Variants in CEP152 observed in about 807,000 individuals in gnomAD.
The protein encoded by CEP152 is centrosomal protein of 152 kDa.
In CEP152, 132 loss-of-function variants were observed where a neutral mutation model predicts 188.9. The ratio of observed to expected loss-of-function variants is 0.70; its 90% confidence interval spans 0.61 to 0.81. CEP152 has a LOEUF of 0.81. Among genes scored for constraint, CEP152 ranks in the 30% least tolerant of loss-of-function variants. The pLI, the probability that CEP152 is intolerant of heterozygous loss-of-function variation, is 0.00. For synonymous variants in CEP152, 649 were observed against 666.6 expected (o/e 0.97, Z 0.41); for missense variants, 1,914 against 1,969.8 (o/e 0.97, Z 0.54).
Position 48,784,258 on chromosome 15 carries a change from A to T in CEP152, c.1174-138T>A, listed in dbSNP as rs1896473679. Reference sequence around the variant, plus strand: ...GGAGCATCACCTCTTTTACAAGGTAAAGTGCACAGAACTGGGAGTCAAGAG... The same window carrying T: ...GGAGCATCACCTCTTTTACAAGGTATAGTGCACAGAACTGGGAGTCAAGAG... On this transcript the variant is annotated intron_variant, in intron 9 of 26. Coordinates refer to ENST00000380950, the MANE Select transcript of CEP152 (RefSeq NM_001194998.2). The T allele has an allele frequency of 3.7e-6, 3 of 809,878 alleles. No homozygotes were observed. The African/African-American group carries it at 5.2e-5, about 14-fold the overall frequency. 50.2% of individuals were successfully genotyped at this position (809,878 alleles called of 1,614,324 possible).
intron 19 of CEP152, among the ~76,000 whole-genome samples, chr15:48,757,729 C>T (rs952694297): frequency 1.3e-4 from 20 of 152,158 alleles, no homozygotes; most frequent in Non-Finnish European, 2.8e-4. Flanking sequence ...AATAAATTTT[C>T]TGCTAAAGGA....
rs1409164324 is a variant in CEP152, at chr15:48,738,169, TCA to T, written c.*78_*79del. 7 of 1,413,580 alleles carry T rather than the reference TCA, an allele frequency of 5.0e-6. No homozygotes were observed. In the Admixed American group the frequency reaches 1.0e-4, roughly 20 times the overall value. The allele number at this position is 1,413,580 out of a possible 1,614,324, so 87.6% of individuals were successfully genotyped here. On this transcript the variant is annotated 3_prime_UTR_variant, in exon 27 of 27. Transcript: ENST00000380950. Reference sequence around the variant, plus strand: ...TAAAACATCTCAAAAGAGGCAGGGCTCACAATTTTTTTCAGTATGAGGTCTTC... The same window carrying T: ...TAAAACATCTCAAAAGAGGCAGGGCTCAATTTTTTTCAGTATGAGGTCTTC...
chr15:48,785,905 C>CAA (rs757758217), intron 9 of CEP152, among the ~76,000 whole-genome samples: 5 of 101,430 alleles, frequency 4.9e-5, no homozygotes, highest in Non-Finnish European at 6.7e-5. Flanking sequence ...GACTCCATCT[C>CAA]AAAAAAAAAA....
chr15:48,796,009 C>T lies in CEP152; in HGVS notation c.691+1G>A. Reference sequence around the variant, plus strand: ...AAAATAAATATAAACTTGATACCTACTCTCATTAGCTCCTAAAAATTGTTG... The same window carrying T: ...AAAATAAATATAAACTTGATACCTATTCTCATTAGCTCCTAAAAATTGTTG... On this transcript the variant is annotated splice_donor_variant, in intron 6 of 26. Transcript: ENST00000380950. LOFTEE classifies it high-confidence loss of function. The T allele has an allele frequency of 6.2e-7, 1 of 1,613,490 alleles. No homozygotes were observed.
chr15:48,739,247 A>AT lies in CEP152; in HGVS notation c.4134dup (p.Ser1379IlefsTer5), dbSNP rs2140547170. The AT allele has an allele frequency of 4.3e-6, 7 of 1,613,172 alleles. No individual in the cohort carries two copies. Among genetic ancestry groups the AT allele is most frequent in the Non-Finnish European group, 5.1e-6 (6 of 1,179,800 alleles). Reference sequence around the variant, plus strand: ...TTCTGATTCACATCATTTCTTTTTGATTTTTTAACTGCAATCAGCATCTCT... The same window carrying AT: ...TTCTGATTCACATCATTTCTTTTTGATTTTTTTAACTGCAATCAGCATCTCT... On this transcript the variant is annotated frameshift_variant, in exon 27 of 27. Coordinates refer to ENST00000380950, the MANE Select transcript of CEP152 (RefSeq NM_001194998.2). LOFTEE classifies it low-confidence loss of function (END_TRUNC).
intron 7 of CEP152, among the ~76,000 whole-genome samples, chr15:48,791,679 G>A (rs952944587): frequency 6.6e-6 from 1 of 152,006 alleles, no homozygotes; most frequent in Non-Finnish European, 1.5e-5. Context: ...ACCACTCCCA[G>A]ATAATTTTTA....
chr15:48,788,758 C>T (rs777508807), intron 9 of CEP152, 43 bp downstream of exon 9: 82 of 1,537,558 alleles, frequency 5.3e-5, no homozygotes, highest in Non-Finnish European at 7.3e-5. Flanking sequence ...ACATAACCAG[C>T]TTTACTTGTT....
chr15:48,791,350 G>T lies in CEP152; in HGVS notation c.859C>A (p.Leu287Ile). The change falls in exon 8 of 27, where the codon CTT becomes ATT. Residue 287 changes from leucine to isoleucine, a missense_variant. Coordinates refer to ENST00000380950, the MANE Select transcript of CEP152 (RefSeq NM_001194998.2). ...KDEKDGLTLS[L>I]RESQKLFQNG... ...TGAAAGAGTTTCTGTGATTCTCGAA[G>T]GCTGAGAGTCAAACCATCCTTTTCA... 6.2e-7 allele frequency: 1 copy of T among 1,612,318 alleles called. No homozygotes were observed.
intron 2 of CEP152, 23 bp from the exon 3 acceptor site, chr15:48,798,074 A>C (rs1318579836): frequency 1.9e-6 from 3 of 1,590,634 alleles, no homozygotes; most frequent in Non-Finnish European, 2.6e-6. Context: ...GTCTGCATCA[A>C]TATCATACCA....
intron 6 of CEP152, 70 bp from the exon 7 acceptor site, chr15:48,793,531 G>A: frequency 1.4e-6 from 2 of 1,416,934 alleles, no homozygotes; most frequent in Admixed American, 1.8e-5. Context: ...TTAAAGCAGT[G>A]TTTTTCAAAC....
chr15:48,768,791 C>A (rs1406655205), intron 14 of CEP152, among the ~76,000 whole-genome samples, 165 bp downstream of exon 14: 1 of 152,166 alleles, frequency 6.6e-6, no homozygotes, highest in Non-Finnish European at 1.5e-5. Flanking sequence ...AACTACTAAC[C>A]AACAGTTCAC....
At position 48,738,186 on chromosome 15, in the gene CEP152, A is replaced by G; in HGVS notation, c.*63T>C. 1.3e-6 allele frequency: 2 copies of G among 1,502,000 alleles called. No individual in the cohort carries two copies. Among genetic ancestry groups the G allele is most frequent in the South Asian group, 1.3e-5 (1 of 77,412 alleles). The allele number at this position is 1,502,000 out of a possible 1,614,324, so 93.0% of individuals were successfully genotyped here. A position where few individuals can be genotyped will look rare whatever the true frequency, so the allele number is the denominator to read the frequency against. On this transcript the variant is annotated 3_prime_UTR_variant, in exon 27 of 27. Transcript: ENST00000380950. ...GGCAGGGCTCACAATTTTTTTCAGT[A>G]TGAGGTCTTCCCTTCCATTTTTGTT...
intron 2 of CEP152, among the ~76,000 whole-genome samples, chr15:48,730,088 T>C (rs1317692536): frequency 2.6e-5 from 4 of 151,354 alleles, no homozygotes; most frequent in African/African-American, 7.3e-5. Flanking sequence ...ACAACCAAAA[T>C]TGAGAAGCTG....
chr15:48,758,905 T>C (rs1595621111), intron 19 of CEP152, among the ~76,000 whole-genome samples: 1 of 152,140 alleles, frequency 6.6e-6, no homozygotes, highest in Non-Finnish European at 1.5e-5. Flanking sequence ...TTCACAAACA[T>C]ACAGCCTTCT....
In CEP152 at chr15:48,742,064, C is replaced by G; in HGVS notation, c.3872G>C (p.Arg1291Pro). The part of the protein sequence containing the change: ...MLRYIQESKE[R>P]AAEMVKAEVL... ...CTCTGCTTTTACCATTTCTGCAGCT[C>G]GTTCCTTACTCTCCTGAATATAACG... Residue 1291 changes from arginine to proline, a missense_variant, in exon 25 of 27, where the codon CGA becomes CCA. Transcript: ENST00000380950. The G allele has an allele frequency of 6.2e-7, 1 of 1,614,066 alleles. No homozygotes were observed. The highest frequency in any genetic ancestry group is 8.5e-7 in the Non-Finnish European group (1 of 1,179,996).
intron 2 of CEP152, among the ~76,000 whole-genome samples, chr15:48,799,055 T>A (rs935900656): frequency 6.6e-6 from 1 of 152,170 alleles, no homozygotes; most frequent in Non-Finnish European, 1.5e-5. Flanking sequence ...TAAGCACCAG[T>A]TTAATTGACA....
intron 26 of CEP152, chr15:48,741,026 A>G (rs904493149): frequency 2.3e-5 from 23 of 989,046 alleles, no homozygotes; most frequent in African/African-American, 5.3e-5. Flanking sequence ...CCTAATTGCA[A>G]TAGTCATCTC....
intron 10 of CEP152, among the ~76,000 whole-genome samples, chr15:48,782,476 T>C (rs1470826819): frequency 6.6e-6 from 1 of 152,170 alleles, no homozygotes; most frequent in Non-Finnish European, 1.5e-5. Context: ...TATGACCTTT[T>C]TATGAATCAA....
intron 1 of CEP152, among the ~76,000 whole-genome samples, chr15:48,807,089 T>G (rs981125172): frequency 6.6e-5 from 10 of 152,140 alleles, no homozygotes; most frequent in Non-Finnish European, 1.5e-4. Flanking sequence ...CCCGTCCCTT[T>G]AAACTCATAT....
Sources: gnomAD v4.1 joint callset for allele counts (sites outside exome capture counted in the v4.1 genomes callset) on GRCh38, gnomAD v4.1.1 for gene constraint, MANE v1.5 for transcripts, NCBI Gene and HGNC (gene_info 2026-07-23, HGNC 2026-07-21) for gene names.